FRYL: variants seen among roughly 807,000 people sequenced by gnomAD.
FRYL encodes protein furry homolog-like.
A neutral mutation model predicts 351.2 loss-of-function variants in FRYL; 150 were observed. The ratio of observed to expected loss-of-function variants is 0.43; its 90% CI spans 0.37 to 0.49. The LOEUF (loss-of-function observed/expected upper bound fraction) is 0.49. FRYL is among the 20% of genes least tolerant of loss of function. FRYL has a pLI of 0.00. For missense variants in FRYL, 3,036 were observed against 3,619.3 expected (o/e 0.84, Z 4.13); for synonymous variants, 1,153 against 1,257.1 (o/e 0.92, Z 1.75).
At chr4:48,682,578 A>C (rs1764738826) in intron 3 of FRYL, among the ~76,000 whole-genome samples, 1 of 152,224 alleles carries the variant, frequency 6.6e-6, no homozygotes, top group Non-Finnish European at 1.5e-5. Context: ...CAAGAAAAAA[A>C]CAAACAACTG....
chr4:48,746,886 C>A (rs777273997), intron 1 of FRYL, among the ~76,000 whole-genome samples: 37 of 152,338 alleles, frequency 2.4e-4, no homozygotes, highest in Non-Finnish European at 4.7e-4. Context: ...CCAGCCCAAG[C>A]CATAGTCTGA....
intron 1 of FRYL, among the ~76,000 whole-genome samples, chr4:48,718,156 T>C (rs950250454): frequency 3.3e-5 from 5 of 151,624 alleles, no homozygotes; most frequent in East Asian, 3.9e-4. Context: ...CTAGAGTAAA[T>C]TGTGTTTATT....
chr4:48,532,594 T>C (rs1431658411), intron 49 of FRYL, among the ~76,000 whole-genome samples: 2 of 152,036 alleles, frequency 1.3e-5, no homozygotes, highest in South Asian at 2.1e-4. Context: ...GAGGCGGAGG[T>C]TGCAGTGAGC....
intron 7 of FRYL, among the ~76,000 whole-genome samples, chr4:48,610,763 TTATA>T (rs921453785): frequency 6.8e-6 from 1 of 146,474 alleles, no homozygotes; most frequent in Non-Finnish European, 1.5e-5. Context: ...TATACATATA[TTATA>T]TATATGTTCA....
In FRYL at chr4:48,736,850, G is replaced by GAAA. The variant is rs368006420; in HGVS notation, c.-383-26155_-383-26153dup. Among the ~76,000 whole-genome samples the GAAA allele has an allele frequency of 1.7e-3, 70 of 40,526 alleles. 1 individual carries two copies. Among genetic ancestry groups the GAAA allele is most frequent in the East Asian group, 4.4e-3 (6 of 1,360 alleles). 26.6% of individuals were successfully genotyped at this position (40,526 alleles called of 152,430 possible). A position where few individuals can be genotyped will look rare whatever the true frequency, so the allele number is the denominator to read the frequency against. On this transcript the variant is annotated intron_variant, in intron 1 of 63. Coordinates refer to ENST00000358350, the MANE Select transcript of FRYL (RefSeq NM_015030.2). Reference sequence around the variant, plus strand: ...GGGCGACAGACTGAGACTCTGTCTCGAAAAAAAAAAAAAAAAAAAAGAAAA... The same window carrying GAAA: ...GGGCGACAGACTGAGACTCTGTCTCGAAAAAAAAAAAAAAAAAAAAAAAGAAAA...
intron 7 of FRYL, chr4:48,619,008 C>G: frequency 3.2e-6 from 1 of 313,858 alleles, no homozygotes; most frequent in Non-Finnish European, 5.8e-6. Flanking sequence ...AGCTAAAGGT[C>G]AATATTAACA....
intron 31 of FRYL, among the ~76,000 whole-genome samples, chr4:48,563,300 T>C (rs1578134799): frequency 6.7e-6 from 1 of 149,338 alleles, no homozygotes; most frequent in Non-Finnish European, 1.5e-5. Context: ...AAAAAATCCA[T>C]GCATAATTTT....
At chr4:48,573,058 G>A (rs1428672406) in intron 26 of FRYL, 128 bp downstream of exon 26, 1 of 625,966 alleles carries the variant, frequency 1.6e-6, no homozygotes, top group East Asian at 2.9e-5. Flanking sequence ...TGCGGGGAGG[G>A]GAAGTGTCTG....
intron 49 of FRYL, among the ~76,000 whole-genome samples, chr4:48,534,014 G>A (rs931367879): frequency 6.6e-6 from 1 of 152,118 alleles, no homozygotes; most frequent in Non-Finnish European, 1.5e-5. Flanking sequence ...ATTACCTGAG[G>A]TCAGGAGTTC....
chr4:48,634,935 A>C (rs1022136503), intron 3 of FRYL, among the ~76,000 whole-genome samples: 1 of 152,216 alleles, frequency 6.6e-6, no homozygotes, highest in African/African-American at 2.4e-5. Flanking sequence ...ACTACTTTGG[A>C]AAATATGCTC....
chr4:48,754,840 C>A (rs1263999815), intron 1 of FRYL, among the ~76,000 whole-genome samples: 1 of 152,206 alleles, frequency 6.6e-6, no homozygotes, highest in East Asian at 1.9e-4. Flanking sequence ...TGGGGTTTCA[C>A]CATGTTGGCC....
intron 1 of FRYL, among the ~76,000 whole-genome samples, chr4:48,736,840 ACT>A: frequency 8.4e-6 from 1 of 119,756 alleles, no homozygotes; most frequent in Non-Finnish European, 1.7e-5. Context: ...ACAGACTGAG[ACT>A]CTGTCTCGAA....
At chr4:48,558,690 T>G in intron 33 of FRYL, among the ~76,000 whole-genome samples, 1 of 152,222 alleles carries the variant, frequency 6.6e-6, no homozygotes, top group South Asian at 2.1e-4. Flanking sequence ...CTCACAAATT[T>G]TGGTTCTATA....
intron 1 of FRYL, among the ~76,000 whole-genome samples, chr4:48,740,811 C>T (rs1188068116): frequency 6.6e-6 from 1 of 152,102 alleles, no homozygotes; most frequent in Non-Finnish European, 1.5e-5. Flanking sequence ...AGTGGGAATG[C>T]AAAATGAAAC....
At chr4:48,628,542 C>A (rs1017573739) in intron 4 of FRYL, among the ~76,000 whole-genome samples, 9 of 150,852 alleles carry the variant, frequency 6.0e-5, no homozygotes, top group African/African-American at 2.2e-4. Flanking sequence ...AAGAGAGGCA[C>A]AGAGAGATTT....
At chr4:48,704,642 T>C (rs928586983) in intron 2 of FRYL, among the ~76,000 whole-genome samples, 2 of 151,788 alleles carry the variant, frequency 1.3e-5, no homozygotes, top group African/African-American at 4.8e-5. Context: ...CAAAACCCTG[T>C]CTCTACTAAA....
chr4:48,740,157 GA>G (rs1771884425), intron 1 of FRYL, among the ~76,000 whole-genome samples: 2 of 152,058 alleles, frequency 1.3e-5, no homozygotes, highest in Admixed American at 6.6e-5. Context: ...TCTGCTCTGT[GA>G]AAGGCACTGT....
intron 26 of FRYL, chr4:48,571,909 GAATA>G (rs772249883): frequency 1.8e-5 from 18 of 984,896 alleles, no homozygotes; most frequent in Middle Eastern, 5.2e-4. Context: ...AAATTCAGAA[GAATA>G]AATACTGCTA....
At chr4:48,716,935 T>C (rs1247544719) in intron 1 of FRYL, among the ~76,000 whole-genome samples, 1 of 150,934 alleles carries the variant, frequency 6.6e-6, no homozygotes, top group East Asian at 1.9e-4. Context: ...TGGAATACTA[T>C]GCAGCCATAA....
Sources: allele counts gnomAD v4.1 joint callset (sites outside exome capture counted in the v4.1 genomes callset), GRCh38; gene constraint gnomAD v4.1.1; transcripts MANE v1.5; gene names NCBI Gene and HGNC (gene_info 2026-07-23, HGNC 2026-07-21).